Variants in NALF1 observed in about 807,000 individuals in gnomAD.
NALF1 encodes the protein family with sequence similarity 155 member A.
Under a neutral mutation model 48.4 loss-of-function variants are expected in NALF1, and 3 were observed. That is an observed-to-expected ratio of 0.06 (90% CI 0.03 to 0.16). NALF1 has a LOEUF of 0.16. Among genes scored for constraint, NALF1 ranks in the 10% least tolerant of loss-of-function variants. The pLI, the probability that NALF1 is intolerant of heterozygous loss-of-function variation, is 1.00. For missense variants in NALF1, 526 were observed against 571.5 expected, an observed-to-expected ratio of 0.92 and a Z score of 0.81; for synonymous variants, 262 against 245.7, an observed-to-expected ratio of 1.07 and a Z score of -0.62.
intron 1 of NALF1, among the ~76,000 whole-genome samples, chr13:107,499,515 A>AGT (rs1875447153): frequency 1.3e-5 from 2 of 152,116 alleles, no homozygotes; most frequent in South Asian, 4.1e-4. Context: ...GCCATATTGA[A>AGT]GTCTTTTGAA....
intron 1 of NALF1, among the ~76,000 whole-genome samples, chr13:107,534,620 A>G (rs528640666): frequency 8.5e-5 from 13 of 152,176 alleles, no homozygotes; most frequent in Non-Finnish European, 1.6e-4. Flanking sequence ...CAAATAAGCC[A>G]GTATTTCCTA....
intron 1 of NALF1, among the ~76,000 whole-genome samples, chr13:107,621,857 T>A (rs538781611): frequency 6.6e-6 from 1 of 152,272 alleles, no homozygotes; most frequent in Non-Finnish European, 1.5e-5. Flanking sequence ...TAAGTCTAGA[T>A]AACTGAGTCG....
At chr13:107,299,719 C>T (rs2138891554) in intron 1 of NALF1, among the ~76,000 whole-genome samples, 1 of 140,622 alleles carries the variant, frequency 7.1e-6, no homozygotes, top group African/African-American at 2.7e-5. Flanking sequence ...TTTATTTATT[C>T]GATTATGTAT....
At chr13:107,174,032 G>A (rs999428641) in intron 2 of NALF1, among the ~76,000 whole-genome samples, 5 of 152,036 alleles carry the variant, frequency 3.3e-5, no homozygotes, top group African/African-American at 1.2e-4. Context: ...TGTGTTATCC[G>A]AATGTTGCTT....
At chr13:107,422,229 G>A (rs927117489) in intron 1 of NALF1, among the ~76,000 whole-genome samples, 5 of 152,116 alleles carry the variant, frequency 3.3e-5, no homozygotes, top group African/African-American at 9.7e-5. Flanking sequence ...CCTGTTAGGA[G>A]TTTACTATTT....
At chr13:107,764,371 G>A (rs1259843821) in intron 1 of NALF1, among the ~76,000 whole-genome samples, 1 of 152,002 alleles carries the variant, frequency 6.6e-6, no homozygotes, top group East Asian at 1.9e-4. Flanking sequence ...TACATATGTT[G>A]TATGTGTATA....
chr13:107,545,809 T>C lies in NALF1; in HGVS notation c.915+319873A>G, dbSNP rs189998008. On this transcript the variant is annotated intron_variant, in intron 1 of 2. Coordinates refer to ENST00000375915, the MANE Select transcript of NALF1 (RefSeq NM_001080396.3). ...AAAAAGAAAGCCATTGGGTGGATTC[T>C]ATGTATGACTCTCTTCCTGAACCTC... 1.2e-3 allele frequency among the ~76,000 whole-genome samples: 180 copies of C among 152,232 alleles called. 1 individual carries two copies. The highest frequency in any genetic ancestry group is 4.1e-3 in the African/African-American group (172 of 41,556).
Position 107,164,859 on chromosome 13 carries a change from C to A in NALF1, c.*5638G>T, listed in dbSNP as rs963341133. 1 of 152,208 alleles carries A rather than the reference C, an allele frequency of 6.6e-6. No individual in the cohort carries two copies. The highest frequency in any genetic ancestry group is 1.5e-5 in the Non-Finnish European group (1 of 68,020). The allele number at this position is 152,208 out of a possible 1,614,324, so 9.4% of individuals were successfully genotyped here. A position where few individuals can be genotyped will look rare whatever the true frequency, so the allele number is the denominator to read the frequency against. On this transcript the variant is annotated 3_prime_UTR_variant, in exon 3 of 3. Transcript: ENST00000375915. ...AGAAACTCTGAACAACTTCCAGGAGCAGTCCCTATGAGCAAGCCAATCCAG... is the reference window on the plus strand; with the variant it reads ...AGAAACTCTGAACAACTTCCAGGAGAAGTCCCTATGAGCAAGCCAATCCAG...
chr13:107,326,184 T>C (rs1439560667), intron 1 of NALF1, among the ~76,000 whole-genome samples: 1 of 151,902 alleles, frequency 6.6e-6, no homozygotes, highest in Non-Finnish European at 1.5e-5. Flanking sequence ...GAGTCCCACC[T>C]AAATAATATA....
At chr13:107,195,896 C>A (rs1463256181) in intron 2 of NALF1, among the ~76,000 whole-genome samples, 2 of 152,226 alleles carry the variant, frequency 1.3e-5, no homozygotes, top group East Asian at 3.9e-4. Flanking sequence ...TTTATAATAA[C>A]AGCAGGGAAA....
At chr13:107,794,902 G>C (rs1309986056) in intron 1 of NALF1, among the ~76,000 whole-genome samples, 1 of 152,038 alleles carries the variant, frequency 6.6e-6, no homozygotes, top group African/African-American at 2.4e-5. Flanking sequence ...ATATTTTTCT[G>C]AACAAGTTCT....
intron 1 of NALF1, among the ~76,000 whole-genome samples, chr13:107,360,804 T>G (rs371929425): frequency 1.1e-4 from 17 of 152,248 alleles, no homozygotes; most frequent in African/African-American, 2.2e-4. Context: ...AATAGGCTGG[T>G]TTTTAAGTAT....
rs1051566836 is a variant in NALF1, at chr13:107,392,448, C to T, written c.916-181693G>A. Among the ~76,000 whole-genome samples the T allele has an allele frequency of 3.9e-5, 6 of 152,200 alleles. No homozygotes were observed. The South Asian group carries it at 1.2e-3, about 32-fold the overall frequency. ...AAACACTCATGCATCCTTTTCCTAA[C>T]AAATTCTGATAGCAGAGATAGCCCT... On this transcript the variant is annotated intron_variant, in intron 1 of 2. Transcript: ENST00000375915.
intron 1 of NALF1, among the ~76,000 whole-genome samples, chr13:107,756,917 T>G (rs73603361): frequency 0.02 from 3,086 of 152,252 alleles, 87 homozygotes; most frequent in African/African-American, 0.069. Flanking sequence ...GATTCATGGG[T>G]GCATTATTGT....
intron 1 of NALF1, among the ~76,000 whole-genome samples, chr13:107,234,021 C>G (rs1251540242): frequency 6.6e-6 from 1 of 152,146 alleles, no homozygotes; most frequent in Non-Finnish European, 1.5e-5. Context: ...GCAGAAGTAT[C>G]TTGCTGAAAA....
chr13:107,818,776 G>T (rs1480493259), intron 1 of NALF1, among the ~76,000 whole-genome samples: 1 of 141,400 alleles, frequency 7.1e-6, no homozygotes, highest in South Asian at 2.3e-4. Context: ...GGAGGCTGAG[G>T]CAGGAGAATG....
chr13:107,800,639 A>G (rs574377604), intron 1 of NALF1, among the ~76,000 whole-genome samples: 20 of 146,594 alleles, frequency 1.4e-4, no homozygotes, highest in Admixed American at 1.2e-3. Context: ...TATATAATAC[A>G]TATAAGATAT....
Position 107,443,468 on chromosome 13 carries a change from C to T in NALF1, c.916-232713G>A, listed in dbSNP as rs923792283. Among the ~76,000 whole-genome samples, 7 of 152,254 alleles carry T rather than the reference C, an allele frequency of 4.6e-5. No homozygotes were observed. The East Asian group carries it at 9.6e-4, about 21-fold the overall frequency. ...ATGACCTCAAGTGATCCACCCACCT[C>T]GGCCTCCCATAGTGCTGGGATTACA... On this transcript the variant is annotated intron_variant, in intron 1 of 2. Transcript: ENST00000375915.
At chr13:107,824,066 C>T (rs1332866852) in intron 1 of NALF1, among the ~76,000 whole-genome samples, 1 of 151,920 alleles carries the variant, frequency 6.6e-6, no homozygotes, top group African/African-American at 2.4e-5. Flanking sequence ...TGTGTACCAG[C>T]TCATGGTATA....
Sources: allele counts gnomAD v4.1 joint callset (sites outside exome capture counted in the v4.1 genomes callset), GRCh38; gene constraint gnomAD v4.1.1; transcripts MANE v1.5; gene names NCBI Gene and HGNC (gene_info 2026-07-23, HGNC 2026-07-21).